The following AACS variants were observed in gnomAD, a reference collection of about 807,000 sequenced individuals.
The protein encoded by AACS is acetoacetate-CoA ligase.
AACS carries 69 observed loss-of-function variants against 83.1 expected under a neutral mutation model. The observed-to-expected ratio is 0.83, with a 90% CI of 0.68 to 1.01. The LOEUF is 1.01. Among genes scored for constraint, AACS ranks in the 50% least tolerant of loss-of-function variants. The probability of loss-of-function intolerance (pLI) is 0.00; values close to 1 mark genes in which losing one functional copy is unlikely to be tolerated. For missense variants in AACS, 866 were observed against 882.2 expected (o/e 0.98, Z 0.23); for synonymous variants, 333 against 343.4 (o/e 0.97, Z 0.33).
intron 15 of AACS, 55 bp from the exon 16 acceptor site, chr12:125,134,739 G>A (rs1957376845): frequency 6.2e-7 from 1 of 1,605,568 alleles, no homozygotes; most frequent in African/African-American, 1.3e-5. Context: ...GGGACCCCTG[G>A]GACTTGCTTC....
Position 125,114,473 on chromosome 12 carries a change from G to A in AACS, c.916-4G>A. ...GCACCCGCTCCCCCGTGTCTCCCCT[G>A]CAGGGCACCCTCATCCAGCATCTGA... On this transcript the variant is annotated splice_region_variant and splice_polypyrimidine_tract_variant and intron_variant, in intron 8 of 17. Coordinates refer to ENST00000316519, the MANE Select transcript of AACS (RefSeq NM_023928.5). 1 of 1,612,492 alleles carries A rather than the reference G, an allele frequency of 6.2e-7. No homozygotes were observed. The highest frequency in any genetic ancestry group is 1.3e-5 in the African/African-American group (1 of 75,016).
At chr12:125,102,837 G>T (rs1160337873) in intron 6 of AACS, 44 bp downstream of exon 6, 1 of 1,579,378 alleles carries the variant, frequency 6.3e-7, no homozygotes, top group Non-Finnish European at 8.7e-7. Context: ...CTGGGTGTGT[G>T]TGTGGGTACA....
chr12:125,097,130 G>A lies in AACS; in HGVS notation c.571-5549G>A, dbSNP rs931326399. On this transcript the variant is annotated intron_variant, in intron 5 of 17. Transcript: ENST00000316519. This position sits in a 1 kb window ranked among gnomAD's most constrained non-coding sequence, Gnocchi z 4.3. ...CTGCGGAGTAAATGCTGGTGGGACC[G>A]GGGTGCCACCTGCCTGCAGACTCGG... Among the ~76,000 whole-genome samples the A allele has an allele frequency of 1.3e-5, 2 of 152,094 alleles. No individual in the cohort carries two copies. The highest frequency in any genetic ancestry group is 2.9e-5 in the Non-Finnish European group (2 of 68,008).
At chr12:125,076,366 A>G (rs1284531637) in intron 2 of AACS, 125 bp from the exon 3 acceptor site, 1 of 1,329,436 alleles carries the variant, frequency 7.5e-7, no homozygotes, top group Non-Finnish European at 1.0e-6. Context: ...GCTCTGGGCC[A>G]ATGAGTGAGC....
intron 5 of AACS, among the ~76,000 whole-genome samples, chr12:125,098,386 C>A (rs1956657161): frequency 6.7e-6 from 1 of 150,374 alleles, no homozygotes; most frequent in Non-Finnish European, 1.5e-5. Flanking sequence ...AGGGCAGAAC[C>A]CTGTCTAAAA....
rs1388826136 is a variant in AACS, at chr12:125,137,954, G to A, written c.1881+1090G>A. Reference sequence around the variant, plus strand: ...GATTTACCAGGAGAGTCTGCTTCCTGGAGAATGTTGAAATATCTGATGCCG... The same window carrying A: ...GATTTACCAGGAGAGTCTGCTTCCTAGAGAATGTTGAAATATCTGATGCCG... On this transcript the variant is annotated intron_variant, in intron 17 of 17. Transcript: ENST00000316519. 2.0e-5 allele frequency among the ~76,000 whole-genome samples: 3 copies of A among 152,214 alleles called. No homozygotes were observed. In the East Asian group the frequency reaches 5.8e-4, roughly 29 times the overall value.
At chr12:125,111,769 G>C (rs1048190461) in intron 8 of AACS, among the ~76,000 whole-genome samples, 1 of 152,170 alleles carries the variant, frequency 6.6e-6, no homozygotes, top group Non-Finnish European at 1.5e-5. Flanking sequence ...ACTCTCCTGC[G>C]CTGAGACCCA....
intron 3 of AACS, among the ~76,000 whole-genome samples, chr12:125,083,476 A>G (rs1463250990): frequency 6.6e-6 from 1 of 152,058 alleles, no homozygotes; most frequent in African/African-American, 2.4e-5. Flanking sequence ...CCATTTGTAC[A>G]GTCTGTTAGG....
intron 3 of AACS, among the ~76,000 whole-genome samples, chr12:125,081,749 A>C (rs2136055432): frequency 6.6e-6 from 1 of 152,158 alleles, no homozygotes. Context: ...CTTACCGAGT[A>C]TTTTCACATG....
intron 1 of AACS, among the ~76,000 whole-genome samples, chr12:125,071,968 C>T (rs1255965858): frequency 1.3e-5 from 2 of 151,472 alleles, no homozygotes; most frequent in Non-Finnish European, 2.9e-5. Flanking sequence ...AGAGATTCTC[C>T]TGCCTCAGCC....
At chr12:125,118,174 G>A (rs567955534) in intron 9 of AACS, 67 of 162,530 alleles carry the variant, frequency 4.1e-4, no homozygotes, top group Non-Finnish European at 5.1e-4. Context: ...GCAGGTTCCC[G>A]ACACCATTCA....
chr12:125,108,233 C>T (rs1022963636), intron 8 of AACS, among the ~76,000 whole-genome samples: 16 of 152,210 alleles, frequency 1.1e-4, no homozygotes, highest in African/African-American at 1.4e-4. Context: ...GCTGCCATAA[C>T]GAAACACCAC....
At chr12:125,082,145 A>G (rs930763013) in intron 3 of AACS, among the ~76,000 whole-genome samples, 6 of 150,204 alleles carry the variant, frequency 4.0e-5, no homozygotes, top group African/African-American at 9.8e-5. Context: ...CTGAGATTAC[A>G]GGCATGAGCC....
chr12:125,141,060 C>T (rs1957480705), intron 17 of AACS: 1 of 152,230 alleles, frequency 6.6e-6, no homozygotes, highest in Non-Finnish European at 1.5e-5. Context: ...AGCCTTATAG[C>T]CTAGGTGCTG....
chr12:125,075,203 G>T (rs1260388609), intron 2 of AACS, among the ~76,000 whole-genome samples: 1 of 149,102 alleles, frequency 6.7e-6, no homozygotes, highest in African/African-American at 2.5e-5. Context: ...TCAACCTCCT[G>T]ACCTCATGAT....
chr12:125,125,086 C>T, intron 12 of AACS, 62 bp downstream of exon 12: 2 of 1,605,402 alleles, frequency 1.2e-6, no homozygotes, highest in African/African-American at 1.3e-5. Context: ...GTATGCACAC[C>T]TCTGCCCAGT....
intron 8 of AACS, 65 bp from the exon 9 acceptor site, chr12:125,114,411 AG>A: frequency 7.4e-7 from 1 of 1,348,846 alleles, no homozygotes; most frequent in East Asian, 2.3e-5. Flanking sequence ...CGCGTGGGCC[AG>A]GTACCAGATT....
chr12:125,117,515 A>G (rs1957075830), intron 9 of AACS: 1 of 152,250 alleles, frequency 6.6e-6, no homozygotes, highest in South Asian at 2.1e-4. Context: ...CTTGCCCTCC[A>G]AAATGCTAGG....
chr12:125,142,156 A>C lies in AACS; in HGVS notation c.1946A>C (p.Glu649Ala), dbSNP rs753045736. 6.2e-7 allele frequency: 1 copy of C among 1,614,188 alleles called. No homozygotes were observed. The highest frequency in any genetic ancestry group is 8.5e-7 in the Non-Finnish European group (1 of 1,180,042). The change falls in exon 18 of 18, where the codon GAG becomes GCG. Residue 649 changes from glutamate (E) to alanine (A), a missense_variant. Coordinates refer to ENST00000316519, the MANE Select transcript of AACS (RefSeq NM_023928.5). ...CAGATCATCGCTGGAAAAGCCGTGG[A>C]GCAAGGAGGTGCTTTCTCGAACCCC... ...VKQIIAGKAV[E>A]QGGAFSNPET... is the part of the protein sequence containing the mutation.
Sources: allele counts gnomAD v4.1 joint callset (sites outside exome capture counted in the v4.1 genomes callset), GRCh38; gene constraint gnomAD v4.1.1; non-coding constraint Gnocchi (gnomAD v3.1); transcripts MANE v1.5; gene names NCBI Gene and HGNC (gene_info 2026-07-23, HGNC 2026-07-21).